The following NCS1 variants were observed in gnomAD, a reference collection of about 807,000 sequenced individuals.
The protein encoded by NCS1 is frequenin homolog.
A neutral mutation model predicts 28.4 loss-of-function variants in NCS1; 6 were observed. That is an observed-to-expected ratio of 0.21 (90% CI 0.12 to 0.42). The LOEUF is 0.42. NCS1 is among the 10% of genes least tolerant of loss of function. The pLI is 1.00. For synonymous variants in NCS1, 86 were observed against 99.3 expected (o/e 0.87, Z 0.79); for missense variants, 131 against 241.4 (o/e 0.54, Z 3.03).
chr9:130,215,256 G>A lies in NCS1; in HGVS notation c.90-2576G>A, dbSNP rs1554909196. Among the ~76,000 whole-genome samples, 1 of 152,166 alleles carries A rather than the reference G, an allele frequency of 6.6e-6. No homozygotes were observed. The highest frequency in any genetic ancestry group is 2.4e-5 in the African/African-American group (1 of 41,444). On this transcript the variant is annotated intron_variant, in intron 2 of 7. Coordinates refer to ENST00000372398, the MANE Select transcript of NCS1 (RefSeq NM_014286.4). This position sits in a 1 kb window ranked among gnomAD's most constrained non-coding sequence, Gnocchi z 4.2. ...CTGGCCTGGGAGTCTGGAGTCATGGGCCAGGCTGAAACAGAAGAAACTCAA... is the reference window on the plus strand; with the variant it reads ...CTGGCCTGGGAGTCTGGAGTCATGGACCAGGCTGAAACAGAAGAAACTCAA...
intron 2 of NCS1, among the ~76,000 whole-genome samples, chr9:130,206,929 C>T (rs1175952395): frequency 6.6e-6 from 1 of 152,158 alleles, no homozygotes; most frequent in Non-Finnish European, 1.5e-5. Context: ...ACCTGAGAAG[C>T]GCCAGGTCAG....
chr9:130,191,422 A>C lies in NCS1; in HGVS notation c.65-9536A>C, dbSNP rs149831045. Among the ~76,000 whole-genome samples the C allele has an allele frequency of 2.4e-3, 363 of 152,186 alleles. No homozygotes were observed. The highest frequency in any genetic ancestry group is 4.1e-3 in the Non-Finnish European group (280 of 67,996). ...GCTGGGAGATCCCCCAACAGGTGAA[A>C]TACCCCCCGATTCGAGTGCTCAGCC... On this transcript the variant is annotated intron_variant, in intron 1 of 7. Coordinates refer to ENST00000372398, the MANE Select transcript of NCS1 (RefSeq NM_014286.4). The surrounding 1 kb of genome is among the most constrained non-coding windows in gnomAD (Gnocchi z 6.4).
chr9:130,185,963 G>T lies in NCS1; in HGVS notation c.64+13236G>T, dbSNP rs181710949. 5.8e-4 allele frequency among the ~76,000 whole-genome samples: 89 copies of T among 152,352 alleles called. No individual in the cohort carries two copies. The East Asian group carries it at 0.016, about 27-fold the overall frequency. On this transcript the variant is annotated intron_variant, in intron 1 of 7. Transcript: ENST00000372398. Reference sequence around the variant, plus strand: ...TGAGCGAAGCCTGCCTAGGTGCCCCGGCCATGATTCCCCAGCTCAGGTTCT... The same window carrying T: ...TGAGCGAAGCCTGCCTAGGTGCCCCTGCCATGATTCCCCAGCTCAGGTTCT...
rs1219866167 is a variant in NCS1 at position 130,192,039 on chromosome 9, C to T, written c.65-8919C>T. ...CAGCGGCTTTGCTCAGCCAGGAGTG[C>T]CCGGGAGCTCTGGGCAGCAGGCCAG... On this transcript the variant is annotated intron_variant, in intron 1 of 7. Transcript: ENST00000372398. This position sits in a 1 kb window ranked among gnomAD's most constrained non-coding sequence, Gnocchi z 4.8. Among the ~76,000 whole-genome samples, 10 of 152,160 alleles carry T rather than the reference C, an allele frequency of 6.6e-5. No homozygotes were observed. The highest frequency in any genetic ancestry group is 2.4e-4 in the African/African-American group (10 of 41,436).
chr9:130,211,398 C>T (rs1833110193), intron 2 of NCS1, among the ~76,000 whole-genome samples: 1 of 151,594 alleles, frequency 6.6e-6, no homozygotes, highest in South Asian at 2.1e-4. Flanking sequence ...TGCTGAGCAC[C>T]TTGAGTCGCC....
At position 130,181,412 on chromosome 9, in the gene NCS1, G is replaced by T. The variant is rs999723672; in HGVS notation, c.64+8685G>T. On this transcript the variant is annotated intron_variant, in intron 1 of 7. Transcript: ENST00000372398. The surrounding 1 kb of genome is among the most constrained non-coding windows in gnomAD (Gnocchi z 5.0). ...CACGGGACGGTCAGGGGCTGTCACT[G>T]CGGTGAGAATCTGGTATTAGGCATG... Among the ~76,000 whole-genome samples the T allele has an allele frequency of 4.6e-5, 7 of 152,190 alleles. No homozygotes were observed. Among genetic ancestry groups the T allele is most frequent in the South Asian group, 4.1e-4 (2 of 4,820 alleles).
chr9:130,183,518 G>A (rs1350120027), intron 1 of NCS1, among the ~76,000 whole-genome samples: 1 of 152,184 alleles, frequency 6.6e-6, no homozygotes, highest in Non-Finnish European at 1.5e-5. Context: ...TTTATTTCAG[G>A]CTTGAGTTTT....
chr9:130,204,549 G>C (rs1180487664), intron 2 of NCS1, among the ~76,000 whole-genome samples: 1 of 152,148 alleles, frequency 6.6e-6, no homozygotes, highest in East Asian at 1.9e-4. Flanking sequence ...TCAGCCTCCC[G>C]AGTAGCTGAG....
In NCS1 at chr9:130,231,219, C is replaced by T. The variant is rs562496776; in HGVS notation, c.*18-1771C>T. Among the ~76,000 whole-genome samples the T allele has an allele frequency of 7.2e-5, 11 of 151,824 alleles. No homozygotes were observed. The South Asian group carries it at 1.5e-3, about 20-fold the overall frequency. On this transcript the variant is annotated intron_variant, in intron 7 of 7. Coordinates refer to ENST00000372398, the MANE Select transcript of NCS1 (RefSeq NM_014286.4). The stretch of plus-strand genomic sequence containing the variant: ...TACAAAAATTAGCTGGGTGTGGTGG[C>T]GGGTGCCTGTAGTCCCACCTACTTA...
In NCS1 at chr9:130,217,916, C is replaced by G; in HGVS notation, c.174C>G (p.Phe58Leu). 1 of 1,614,190 alleles carries G rather than the reference C, an allele frequency of 6.2e-7. No individual in the cohort carries two copies. Among genetic ancestry groups the G allele is most frequent in the African/African-American group, 1.3e-5 (1 of 75,038 alleles). ...FQKIYKQFFP[F>L]GDPTKFATFV... ...AGATCTACAAGCAATTCTTCCCGTT[C>G]GGAGACCCCACCAAGTTTGCCACAT... Residue 58 changes from phenylalanine (F) to leucine (L), a missense_variant, in exon 3 of 8, where the codon TTC (phenylalanine) becomes TTG (leucine). By Grantham distance (22) the Phe-to-Leu change is conservative. Transcript: ENST00000372398.
Position 130,222,677 on chromosome 9 carries a change from A to G in NCS1, c.335A>G (p.Asn112Ser). 1.9e-6 allele frequency: 3 copies of G among 1,614,066 alleles called. No homozygotes were observed. The highest frequency in any genetic ancestry group is 2.5e-6 in the Non-Finnish European group (3 of 1,180,002). ...RWAFKLYDLDNDGYITRNEML... is the reference protein window; with the variant it reads ...RWAFKLYDLDSDGYITRNEML... ...GCCTTCAAGCTCTACGACTTGGACAATGATGGCTACATCACCAGGAATGAG... is the reference window on the plus strand; with the variant it reads ...GCCTTCAAGCTCTACGACTTGGACAGTGATGGCTACATCACCAGGAATGAG... Residue 112 changes from asparagine to serine, a missense_variant, in exon 5 of 8, where the codon AAT (asparagine) becomes AGT (serine). By Grantham distance (46) the Asn-to-Ser change is conservative (BLOSUM62 1). This residue lies in a region of NCS1 where 100 missense variants were observed against 210.3 expected (regional missense o/e 0.48). Transcript: ENST00000372398.
Position 130,180,526 on chromosome 9 carries a change from C to T in NCS1, c.64+7799C>T, listed in dbSNP as rs926781918. ...GCAGGGCAGAGAGTGTCAGAGATTA[C>T]GTTGCGGCGTTTCTAGGTAACTTGA... On this transcript the variant is annotated intron_variant, in intron 1 of 7. Coordinates refer to ENST00000372398, the MANE Select transcript of NCS1 (RefSeq NM_014286.4). This position sits in a 1 kb window ranked among gnomAD's most constrained non-coding sequence, Gnocchi z 4.5. Among the ~76,000 whole-genome samples the T allele has an allele frequency of 5.9e-5, 9 of 152,166 alleles. No homozygotes were observed. Among genetic ancestry groups the T allele is most frequent in the South Asian group, 2.1e-4 (1 of 4,830 alleles).
At chr9:130,211,049 T>C (rs1192615184) in intron 2 of NCS1, among the ~76,000 whole-genome samples, 1 of 138,170 alleles carries the variant, frequency 7.2e-6, no homozygotes, top group Non-Finnish European at 1.5e-5. Context: ...GATGGGGTCT[T>C]GCTATGTTGC....
chr9:130,193,850 G>T (rs1467863885), intron 1 of NCS1: 1 of 152,492 alleles, frequency 6.6e-6, no homozygotes, highest in Non-Finnish European at 1.5e-5. Context: ...AGGACCGAGG[G>T]GACTGTCTGA....
At chr9:130,224,538 A>G (rs527810533) in intron 6 of NCS1, among the ~76,000 whole-genome samples, 22 of 151,580 alleles carry the variant, frequency 1.5e-4, no homozygotes, top group Middle Eastern at 3.4e-3. Flanking sequence ...AGCCTGGGCA[A>G]TAAGAGTGAG....
chr9:130,182,744 C>T (rs908720176), intron 1 of NCS1, among the ~76,000 whole-genome samples: 9 of 152,350 alleles, frequency 5.9e-5, no homozygotes, highest in Non-Finnish European at 1.0e-4. Flanking sequence ...CAACGTACCG[C>T]CATCTTACGG....
chr9:130,177,350 T>TCTC lies in NCS1; in HGVS notation c.64+4624_64+4625insTCC, dbSNP rs1425046465. Reference sequence around the variant, plus strand: ...ACCAGGGTGGGCCAAGCTGCTGCCTTCAGGAGGCAGTCACTGGAGACCATC... The same window carrying TCTC: ...ACCAGGGTGGGCCAAGCTGCTGCCTTCTCCAGGAGGCAGTCACTGGAGACCATC... On this transcript the variant is annotated intron_variant, in intron 1 of 7. Coordinates refer to ENST00000372398, the MANE Select transcript of NCS1 (RefSeq NM_014286.4). The surrounding 1 kb of genome is among the most constrained non-coding windows in gnomAD (Gnocchi z 4.4). 6.6e-5 allele frequency among the ~76,000 whole-genome samples: 10 copies of TCTC among 152,146 alleles called. No individual in the cohort carries two copies. The highest frequency in any genetic ancestry group is 4.1e-4 in the South Asian group (2 of 4,824).
chr9:130,184,975 A>G (rs1832720232), intron 1 of NCS1, among the ~76,000 whole-genome samples: 1 of 151,938 alleles, frequency 6.6e-6, no homozygotes, highest in South Asian at 2.1e-4. Flanking sequence ...CCGTCTCAAA[A>G]AAAAAAAAAG....
Position 130,172,738 on chromosome 9 carries a change from C to A in NCS1, c.64+11C>A. The A allele has an allele frequency of 1.4e-6, 2 of 1,471,016 alleles. No individual in the cohort carries two copies. Among genetic ancestry groups the A allele is most frequent in the Non-Finnish European group, 1.8e-6 (2 of 1,100,530 alleles). The allele number at this position is 1,471,016 out of a possible 1,614,324, so 91.1% of individuals were successfully genotyped here. ...CCAGGAAGACCTACTGTGAGTGCTC[C>A]CAGCCCCCAGCCCGCGCCCCGCGGT... On this transcript the variant is annotated intron_variant, in intron 1 of 7. Transcript: ENST00000372398.
Sources: gnomAD v4.1 joint callset for allele counts (sites outside exome capture counted in the v4.1 genomes callset) on GRCh38, gnomAD v4.1.1 for gene constraint, gnomAD v4.1.1 regional missense constraint, Gnocchi (gnomAD v3.1) non-coding constraint, MANE v1.5 for transcripts, NCBI Gene and HGNC (gene_info 2026-07-23, HGNC 2026-07-21) for gene names.